The following CDYL variants were observed in gnomAD, a reference collection of about 807,000 sequenced individuals.
CDYL encodes the protein chromodomain Y like.
A neutral mutation model predicts 47.3 loss-of-function variants in CDYL; 8 were observed. The observed-to-expected ratio is 0.17, with a 90% CI of 0.10 to 0.31. CDYL has a LOEUF of 0.31. CDYL is among the 10% of genes least tolerant of loss of function. CDYL has a pLI of 1.00. For missense variants in CDYL, 471 were observed against 701.4 expected (o/e 0.67, Z 3.71); for synonymous variants, 266 against 265.0 (o/e 1.00, Z -0.04).
intron 1 of CDYL, among the ~76,000 whole-genome samples, chr6:4,715,149 C>T (rs1340182124): frequency 6.6e-6 from 1 of 152,200 alleles, no homozygotes; most frequent in Non-Finnish European, 1.5e-5. Context: ...GCCTTGGGCT[C>T]TCACCCTCCC....
intron 1 of CDYL, among the ~76,000 whole-genome samples, chr6:4,873,237 C>G (rs1358282552): frequency 6.6e-6 from 1 of 152,052 alleles, no homozygotes; most frequent in Admixed American, 6.6e-5. Flanking sequence ...ACTTTTTTTT[C>G]ACTGCCCATT....
chr6:4,902,685 C>G (rs1410569668), intron 2 of CDYL, among the ~76,000 whole-genome samples: 1 of 152,180 alleles, frequency 6.6e-6, no homozygotes, highest in African/African-American at 2.4e-5. Context: ...TTTTACACAT[C>G]AGTCACATTA....
chr6:4,865,884 T>C (rs552172568), intron 1 of CDYL, among the ~76,000 whole-genome samples: 110 of 152,298 alleles, frequency 7.2e-4, no homozygotes, highest in African/African-American at 2.5e-3. Flanking sequence ...AGTAGATTGA[T>C]CAGAAATTAC....
At chr6:4,930,504 T>C (rs1245594911) in intron 2 of CDYL, among the ~76,000 whole-genome samples, 2 of 152,250 alleles carry the variant, frequency 1.3e-5, no homozygotes, top group Non-Finnish European at 2.9e-5. Context: ...AGGCTCACCA[T>C]GTTTGTCTCC....
chr6:4,923,157 C>T (rs1244796325), intron 2 of CDYL, among the ~76,000 whole-genome samples: 1 of 152,124 alleles, frequency 6.6e-6, no homozygotes, highest in Non-Finnish European at 1.5e-5. Flanking sequence ...TGCCATACGA[C>T]ACTCAGAACT....
intron 1 of CDYL, among the ~76,000 whole-genome samples, chr6:4,845,148 T>TA (rs1760618713): frequency 6.6e-6 from 1 of 152,232 alleles, no homozygotes; most frequent in Admixed American, 6.5e-5. Flanking sequence ...ACTGCATGCT[T>TA]ACTTGCAAAC....
intron 2 of CDYL, among the ~76,000 whole-genome samples, chr6:4,720,025 G>A (rs1757339370): frequency 6.6e-6 from 1 of 152,142 alleles, no homozygotes; most frequent in Non-Finnish European, 1.5e-5. Context: ...TAATTATTAA[G>A]TCCATTAATC....
At chr6:4,829,695 G>T (rs2127452959) in intron 1 of CDYL, among the ~76,000 whole-genome samples, 1 of 152,252 alleles carries the variant, frequency 6.6e-6, no homozygotes, top group Non-Finnish European at 1.5e-5. Flanking sequence ...GTGGGTGTTA[G>T]TTTGTGAACA....
At chr6:4,800,106 G>A (rs1448493434) in intron 1 of CDYL, among the ~76,000 whole-genome samples, 5 of 151,672 alleles carry the variant, frequency 3.3e-5, no homozygotes, top group South Asian at 4.2e-4. Flanking sequence ...TAAAATAATC[G>A]GATAGTCCAT....
At chr6:4,836,567 C>T (rs916130950) in intron 1 of CDYL, among the ~76,000 whole-genome samples, 2 of 152,284 alleles carry the variant, frequency 1.3e-5, no homozygotes, top group African/African-American at 2.4e-5. Context: ...CTTTGTCCTT[C>T]TAAAGTCCTT....
chr6:4,836,352 C>T lies in CDYL; in HGVS notation c.25-55361C>T, dbSNP rs975221961. The T allele has an allele frequency of 1.4e-5, 10 of 710,990 alleles. No homozygotes were observed. In the African/African-American group the frequency reaches 1.7e-4, roughly 12 times the overall value. 44.0% of individuals were successfully genotyped at this position (710,990 alleles called of 1,614,324 possible). On this transcript the variant is annotated intron_variant, in intron 1 of 6. Coordinates refer to ENST00000397588, the MANE Select transcript of CDYL (RefSeq NM_004824.4). ...TTTTATACGTGTGCTTTCAGAATTC[C>T]AACCCCCTAGAGGAGTTGGGATTTT...
At chr6:4,822,924 T>G (rs1014133872) in intron 1 of CDYL, among the ~76,000 whole-genome samples, 1 of 152,182 alleles carries the variant, frequency 6.6e-6, no homozygotes, top group African/African-American at 2.4e-5. Context: ...TAAATTCAGG[T>G]GCTTTAAATG....
At chr6:4,952,146 C>A in intron 5 of CDYL, 120 bp from the exon 6 acceptor site, 1 of 1,179,174 alleles carries the variant, frequency 8.5e-7, no homozygotes, top group Non-Finnish European at 1.2e-6. Flanking sequence ...AGGATGTGCC[C>A]CATTTCCCTG....
chr6:4,855,562 T>G (rs1344381832), intron 1 of CDYL, among the ~76,000 whole-genome samples: 3 of 151,934 alleles, frequency 2.0e-5, no homozygotes, highest in Non-Finnish European at 4.4e-5. Flanking sequence ...ACCCACGATT[T>G]TTCACACAGT....
At chr6:4,736,079 C>T (rs1200635202) in intron 3 of CDYL, among the ~76,000 whole-genome samples, 1 of 152,136 alleles carries the variant, frequency 6.6e-6, no homozygotes, top group Non-Finnish European at 1.5e-5. Context: ...CTCCCCCAGC[C>T]CCTGTCAACC....
intron 1 of CDYL, among the ~76,000 whole-genome samples, chr6:4,876,813 G>A (rs566183287): frequency 2.6e-5 from 4 of 152,264 alleles, no homozygotes; most frequent in African/African-American, 7.2e-5. Context: ...TGGGAATGAC[G>A]TAAATTTTGC....
At chr6:4,952,166 T>A in intron 5 of CDYL, 100 bp from the exon 6 acceptor site, 1 of 1,378,778 alleles carries the variant, frequency 7.3e-7, no homozygotes, top group East Asian at 2.5e-5. Flanking sequence ...GCGGGGCTGG[T>A]ATTTGTGAAT....
chr6:4,821,740 G>GA (rs61074922), intron 1 of CDYL, among the ~76,000 whole-genome samples: 31 of 142,854 alleles, frequency 2.2e-4, no homozygotes, highest in East Asian at 4.1e-4. Flanking sequence ...TATCTCGGGG[G>GA]AAAAAAAAAA....
chr6:4,838,388 T>C (rs7739198), intron 1 of CDYL, among the ~76,000 whole-genome samples: 146,293 of 152,044 alleles, frequency 0.96, 70,426 homozygotes, highest in East Asian at 1. Context: ...CAGTTATGAG[T>C]GAGAACTTAG....
Sources: allele counts gnomAD v4.1 joint callset (sites outside exome capture counted in the v4.1 genomes callset), GRCh38; gene constraint gnomAD v4.1.1; transcripts MANE v1.5; gene names NCBI Gene and HGNC (gene_info 2026-07-23, HGNC 2026-07-21).